Variants in SNX13 observed in about 807,000 individuals in gnomAD.
SNX13 encodes the protein sorting nexin-13.
SNX13 carries 45 observed loss-of-function variants against 133.6 expected under a neutral mutation model. The ratio of observed to expected loss-of-function variants is 0.34; its 90% CI spans 0.27 to 0.43. The LOEUF (loss-of-function observed/expected upper bound fraction) is 0.43, where lower values mean the gene tolerates loss of function less well. Ranked by LOEUF, SNX13 falls within the 20% of genes least tolerant of loss-of-function variation. The pLI, the probability that SNX13 is intolerant of heterozygous loss-of-function variation, is 1.00. For synonymous variants in SNX13, 414 were observed against 373.9 expected, an observed-to-expected ratio of 1.11 and a Z score of -1.24; for missense variants, 1,032 against 1,145.1, an observed-to-expected ratio of 0.90 and a Z score of 1.43.
rs1784556950 is a variant in SNX13, at chr7:17,801,011, TATATATATATATATATATA to T, written c.2298+558_2298+576del. 1.1e-3 allele frequency among the ~76,000 whole-genome samples: 15 copies of T among 13,288 alleles called. 1 individual carries two copies. The highest frequency in any genetic ancestry group is 7.0e-3 in the Admixed American group (10 of 1,436). The allele number at this position is 13,288 out of a possible 152,430, so 8.7% of individuals were successfully genotyped here. ...TGGCAGTATCTACTAAAACTGAACA[TATATATATATATATATATA>T]TATATATATATATATATATATATAT... is the stretch of plus-strand genomic sequence containing the variant. On this transcript the variant is annotated intron_variant, in intron 22 of 25. Transcript: ENST00000428135.
intron 1 of SNX13, among the ~76,000 whole-genome samples, 157 bp downstream of exon 1, chr7:17,940,127 A>C (rs571721284): frequency 6.6e-6 from 1 of 151,880 alleles, no homozygotes; most frequent in African/African-American, 2.4e-5. Flanking sequence ...CACAGCTCCT[A>C]CTCTGAGGGC....
At chr7:17,877,051 A>G in intron 5 of SNX13, among the ~76,000 whole-genome samples, 1 of 146,928 alleles carries the variant, frequency 6.8e-6, no homozygotes, top group Admixed American at 6.7e-5. Flanking sequence ...TTTTGAAAAA[A>G]AAAAAAAAAA....
chr7:17,862,159 A>T (rs1402802674), intron 9 of SNX13, among the ~76,000 whole-genome samples: 1 of 152,234 alleles, frequency 6.6e-6, no homozygotes, highest in Non-Finnish European at 1.5e-5. Context: ...AAATATCTGT[A>T]TAGAGACAGA....
rs1788843561 is a variant in SNX13, at chr7:17,834,081, C to G, written c.1568G>C (p.Ser523Thr). 2 of 1,584,492 alleles carry G rather than the reference C, an allele frequency of 1.3e-6. No individual in the cohort carries two copies. Among genetic ancestry groups the G allele is most frequent in the South Asian group, 1.2e-5 (1 of 86,650 alleles). ...LAELDMLKDP[S>T]FRGSDDGDGE... ...ATCCCCATCATCGGATCCTCTGAAACTAGGATCTTTTAACATGTCAAGCTC... is the reference window on the plus strand; with the variant it reads ...ATCCCCATCATCGGATCCTCTGAAAGTAGGATCTTTTAACATGTCAAGCTC... The change falls in exon 15 of 26, where the codon AGT (serine) becomes ACT (threonine). Residue 523 changes from serine to threonine, a missense_variant. By Grantham distance (58) the Ser-to-Thr change is moderately conservative (BLOSUM62 1). Transcript: ENST00000428135.
intron 5 of SNX13, among the ~76,000 whole-genome samples, chr7:17,886,861 G>C (rs1389587463): frequency 6.6e-6 from 1 of 151,286 alleles, no homozygotes; most frequent in Non-Finnish European, 1.5e-5. Context: ...AGCTACTGTG[G>C]TTCACTCTAT....
At chr7:17,866,632 A>G (rs1793428280) in intron 9 of SNX13, among the ~76,000 whole-genome samples, 1 of 152,218 alleles carries the variant, frequency 6.6e-6, no homozygotes. Context: ...AGCAGGCCAA[A>G]TATGTGGGAA....
At chr7:17,833,264 T>C (rs1428760331) in intron 15 of SNX13, among the ~76,000 whole-genome samples, 4 of 151,660 alleles carry the variant, frequency 2.6e-5, no homozygotes, top group Admixed American at 6.6e-5. Context: ...ACTATTCTTA[T>C]ATAACTCACT....
intron 15 of SNX13, among the ~76,000 whole-genome samples, chr7:17,833,821 C>T (rs1788807354): frequency 6.6e-6 from 1 of 151,612 alleles, no homozygotes; most frequent in Non-Finnish European, 1.5e-5. Context: ...AAACATTCTT[C>T]TTCTTTAAGA....
intron 1 of SNX13, among the ~76,000 whole-genome samples, chr7:17,933,331 C>G (rs1413190367): frequency 1.3e-5 from 2 of 152,138 alleles, no homozygotes; most frequent in Non-Finnish European, 2.9e-5. Context: ...AACATGACGT[C>G]AGGAGATGGA....
intron 9 of SNX13, among the ~76,000 whole-genome samples, chr7:17,855,889 G>A (rs751352064): frequency 6.6e-6 from 1 of 152,186 alleles, no homozygotes; most frequent in East Asian, 1.9e-4. Flanking sequence ...TCTAGATAGT[G>A]ATTCCTCTGA....
At chr7:17,808,018 C>G (rs2128292905) in intron 20 of SNX13, among the ~76,000 whole-genome samples, 1 of 152,276 alleles carries the variant, frequency 6.6e-6, no homozygotes, top group East Asian at 1.9e-4. Context: ...TGCAAAAAGG[C>G]TGAAAATTCC....
At position 17,793,805 on chromosome 7, in the gene SNX13, C is replaced by G; in HGVS notation, c.*240G>C. On this transcript the variant is annotated 3_prime_UTR_variant, in exon 26 of 26. Coordinates refer to ENST00000428135, the MANE Select transcript of SNX13 (RefSeq NM_015132.5). ...ACGCCATTCTTGCTTGAGATGGGGG[C>G]AGTTTTCTCTCAATGTTGCAAAATA... is the stretch of plus-strand genomic sequence containing the variant. The G allele has an allele frequency of 2.7e-6, 1 of 372,850 alleles. No individual in the cohort carries two copies. Among genetic ancestry groups the G allele is most frequent in the Middle Eastern group, 7.6e-4 (1 of 1,314 alleles). 23.1% of individuals were successfully genotyped at this position (372,850 alleles called of 1,614,324 possible).
chr7:17,864,474 G>A (rs1022000401), intron 9 of SNX13, among the ~76,000 whole-genome samples: 1 of 152,038 alleles, frequency 6.6e-6, no homozygotes, highest in Admixed American at 6.6e-5. Context: ...GAGAAAAAAA[G>A]AATCTGAAAA....
Position 17,906,533 on chromosome 7 carries a change from G to GA in SNX13, c.13-9088dup, listed in dbSNP as rs528479380. Among the ~76,000 whole-genome samples the GA allele has an allele frequency of 5.6e-3, 835 of 149,018 alleles. 5 individuals carry two copies. Among genetic ancestry groups the GA allele is most frequent in the African/African-American group, 0.018 (752 of 40,736 alleles). On this transcript the variant is annotated intron_variant, in intron 1 of 25. Coordinates refer to ENST00000428135, the MANE Select transcript of SNX13 (RefSeq NM_015132.5). ...GTTCCAACTATACTCCCACCTCAAA[G>GA]AAAAAAAAAATCACACCTCCTTTAC...
At chr7:17,937,901 T>A (rs1453538973) in intron 1 of SNX13, among the ~76,000 whole-genome samples, 1 of 152,214 alleles carries the variant, frequency 6.6e-6, no homozygotes, top group Admixed American at 6.5e-5. Flanking sequence ...CTGAGCACAG[T>A]AAATGCTTGC....
chr7:17,905,612 C>T (rs1329424886), intron 1 of SNX13, among the ~76,000 whole-genome samples: 2 of 152,158 alleles, frequency 1.3e-5, no homozygotes, highest in Non-Finnish European at 2.9e-5. Flanking sequence ...CAGTTACTAA[C>T]TTTATATGCT....
chr7:17,860,989 T>C (rs1288285696), intron 9 of SNX13, among the ~76,000 whole-genome samples: 1 of 152,168 alleles, frequency 6.6e-6, no homozygotes, highest in Non-Finnish European at 1.5e-5. Flanking sequence ...ATTAGGTCAC[T>C]TCATGAACAT....
At chr7:17,835,421 C>T (rs1158790926) in intron 13 of SNX13, among the ~76,000 whole-genome samples, 1 of 151,766 alleles carries the variant, frequency 6.6e-6, no homozygotes, top group Non-Finnish European at 1.5e-5. Flanking sequence ...CAGCAAAGTT[C>T]CAGTGTGATA....
chr7:17,896,654 A>G (rs1206470971), intron 2 of SNX13, among the ~76,000 whole-genome samples: 2 of 152,156 alleles, frequency 1.3e-5, no homozygotes, highest in African/African-American at 4.8e-5. Flanking sequence ...CATTAACAAC[A>G]AAAGACTCAT....
Sources: gnomAD v4.1 joint callset for allele counts (sites outside exome capture counted in the v4.1 genomes callset) on GRCh38, gnomAD v4.1.1 for gene constraint, MANE v1.5 for transcripts, NCBI Gene and HGNC (gene_info 2026-07-23, HGNC 2026-07-21) for gene names.